AGXT2: variants seen among roughly 807,000 people sequenced by gnomAD.
AGXT2 encodes the protein alanine--glyoxylate aminotransferase 2, mitochondrial.
In AGXT2, 61 loss-of-function variants were observed where a neutral mutation model predicts 62.5. The ratio of observed to expected loss-of-function variants is 0.98; its 90% confidence interval spans 0.79 to 1.21. The LOEUF (loss-of-function observed/expected upper bound fraction) is 1.21. Ranked by LOEUF, AGXT2 falls within the 50% of genes most tolerant of loss-of-function variation. AGXT2 has a pLI of 0.00. For synonymous variants in AGXT2, 243 were observed against 218.7 expected (o/e 1.11, Z -0.98); for missense variants, 666 against 641.5 (o/e 1.04, Z -0.41).
intron 7 of AGXT2, 56 bp downstream of exon 7, chr5:35,032,676 T>G (rs546805742): frequency 1.2e-4 from 166 of 1,433,824 alleles, no homozygotes; most frequent in Non-Finnish European, 1.5e-4. Flanking sequence ...TCTGCCTTTA[T>G]TCGTGTCCCT....
At chr5:35,023,517 T>G (rs56144819) in intron 9 of AGXT2, among the ~76,000 whole-genome samples, 27,430 of 152,244 alleles carry the variant, frequency 0.18, 2,956 homozygotes, top group East Asian at 0.43. Context: ...TCATATTTCC[T>G]TTGAATTCAG....
intron 9 of AGXT2, among the ~76,000 whole-genome samples, chr5:35,017,642 T>C (rs1233409858): frequency 2.0e-5 from 3 of 152,318 alleles, no homozygotes; most frequent in African/African-American, 7.2e-5. Context: ...TTTCTTAAAC[T>C]GGAAACTCTA....
intron 12 of AGXT2, among the ~76,000 whole-genome samples, chr5:35,005,158 G>A (rs1766374990): frequency 6.6e-6 from 1 of 152,166 alleles, no homozygotes; most frequent in Non-Finnish European, 1.5e-5. Flanking sequence ...TATGATTTGA[G>A]AGGCCAGAGG....
chr5:35,026,191 A>G (rs1767339621), intron 8 of AGXT2: 2 of 608,800 alleles, frequency 3.3e-6, no homozygotes, highest in Non-Finnish European at 5.8e-6. Flanking sequence ...GAATTTTAGG[A>G]GTTCGGTAGT....
chr5:35,009,990 T>C lies in AGXT2; in HGVS notation c.1338+10A>G. 1 of 1,614,216 alleles carries C rather than the reference T, an allele frequency of 6.2e-7. No individual in the cohort carries two copies. Among genetic ancestry groups the C allele is most frequent in the Non-Finnish European group, 8.5e-7 (1 of 1,180,048 alleles). ...AAGCAGCTGAGAGAGAGGGGCAGAT[T>C]AGCACCTACCTTATCCTGCACCATT... On this transcript the variant is annotated intron_variant, in intron 12 of 13. Transcript: ENST00000231420.
intron 9 of AGXT2, among the ~76,000 whole-genome samples, chr5:35,019,228 T>C (rs1194115085): frequency 1.4e-5 from 2 of 138,694 alleles, no homozygotes; most frequent in East Asian, 2.1e-4. Context: ...GCGGACCTAA[T>C]AGACATCTAC....
chr5:35,005,606 G>A (rs1433643837), intron 12 of AGXT2, among the ~76,000 whole-genome samples: 3 of 151,262 alleles, frequency 2.0e-5, no homozygotes, highest in African/African-American at 4.9e-5. Flanking sequence ...TGGCTCCCTT[G>A]CCCATTTTAT....
At chr5:35,037,155 T>A in intron 3 of AGXT2, 90 bp from the exon 4 acceptor site, 1 of 1,584,780 alleles carries the variant, frequency 6.3e-7, no homozygotes, top group Non-Finnish European at 8.6e-7. Context: ...ATACTGTTTT[T>A]TCTCAAAGAG....
At chr5:35,035,475 T>C (rs1767727234) in intron 4 of AGXT2, among the ~76,000 whole-genome samples, 159 bp from the exon 5 acceptor site, 1 of 152,200 alleles carries the variant, frequency 6.6e-6, no homozygotes, top group Non-Finnish European at 1.5e-5. Flanking sequence ...AACCACAGTA[T>C]GAATTCCATA....
chr5:35,019,396 A>G (rs1766978326), intron 9 of AGXT2, among the ~76,000 whole-genome samples: 3 of 149,978 alleles, frequency 2.0e-5, no homozygotes, highest in African/African-American at 7.3e-5. Flanking sequence ...AGTGCAATCA[A>G]ACTAGAACTC....
At chr5:35,006,576 T>C (rs1766432216) in intron 12 of AGXT2, among the ~76,000 whole-genome samples, 1 of 152,112 alleles carries the variant, frequency 6.6e-6, no homozygotes, top group African/African-American at 2.4e-5. Flanking sequence ...CACCAAGCCA[T>C]TGATGAGGAA....
chr5:35,010,711 A>T (rs1189953735), intron 11 of AGXT2, among the ~76,000 whole-genome samples: 2 of 152,120 alleles, frequency 1.3e-5, no homozygotes, highest in Admixed American at 6.5e-5. Flanking sequence ...AGAATTTAGG[A>T]AAGAATAAAG....
rs34618446 is a variant in AGXT2, at chr5:35,031,886, GTT to G, written c.769+844_769+845del. On this transcript the variant is annotated intron_variant, in intron 7 of 13. Transcript: ENST00000231420. ...ATAATCCCACCCATCTTGATTTCTT[GTT>G]TTTTTTTTTTTTTTGGTTGTTGTTT... Among the ~76,000 whole-genome samples the G allele has an allele frequency of 2.7e-3, 317 of 119,376 alleles. 1 individual carries two copies. Among genetic ancestry groups the G allele is most frequent in the African/African-American group, 9.2e-3 (282 of 30,706 alleles). 78.3% of individuals were successfully genotyped at this position (119,376 alleles called of 152,430 possible).
At chr5:35,017,239 G>A (rs1766876404) in intron 9 of AGXT2, among the ~76,000 whole-genome samples, 1 of 152,156 alleles carries the variant, frequency 6.6e-6, no homozygotes, top group South Asian at 2.1e-4. Flanking sequence ...GGTTTTGGGA[G>A]CCTGAGTTTG....
intron 9 of AGXT2, among the ~76,000 whole-genome samples, chr5:35,019,762 CA>C (rs1253223362): frequency 1.3e-5 from 2 of 152,062 alleles, no homozygotes; most frequent in East Asian, 1.9e-4. Flanking sequence ...AAAAACCCTT[CA>C]AAAAATTAAT....
intron 12 of AGXT2, among the ~76,000 whole-genome samples, chr5:35,007,771 A>G (rs1314696881): frequency 1.3e-5 from 2 of 152,160 alleles, no homozygotes; most frequent in Non-Finnish European, 2.9e-5. Context: ...CCAAACCTCA[A>G]ATGGAAGTTT....
intron 9 of AGXT2, among the ~76,000 whole-genome samples, chr5:35,017,146 C>CG (rs1766872763): frequency 6.6e-6 from 1 of 152,120 alleles, no homozygotes; most frequent in African/African-American, 2.4e-5. Flanking sequence ...TCCTCTGTTC[C>CG]TTCCCTTTCT....
chr5:35,038,960 C>G (rs2112282646), intron 3 of AGXT2, among the ~76,000 whole-genome samples: 1 of 152,200 alleles, frequency 6.6e-6, no homozygotes, highest in East Asian at 1.9e-4. Flanking sequence ...TCTCATCATC[C>G]CTCGCCTGAC....
At chr5:35,024,371 C>T (rs1229430216) in intron 9 of AGXT2, among the ~76,000 whole-genome samples, 1 of 152,178 alleles carries the variant, frequency 6.6e-6, no homozygotes. Flanking sequence ...AGTGATCATC[C>T]TCTGGTCTTT....
Sources: gnomAD v4.1 joint callset for allele counts (sites outside exome capture counted in the v4.1 genomes callset) on GRCh38, gnomAD v4.1.1 for gene constraint, MANE v1.5 for transcripts, NCBI Gene and HGNC (gene_info 2026-07-23, HGNC 2026-07-21) for gene names.